DPEP2NB: variants seen among roughly 807,000 people sequenced by gnomAD.
DPEP2NB encodes DPEP2 neighbor.
For synonymous variants in DPEP2NB, 35 were observed against 55.3 expected, an observed-to-expected ratio of 0.63 and a Z score of 1.63; for missense variants, 117 against 151.8, an observed-to-expected ratio of 0.77 and a Z score of 1.21.
Position 68,015,868 on chromosome 16 carries a change from T to C in DPEP2NB, c.-98A>G, listed in dbSNP as rs1162870747. On this transcript the variant is annotated 5_prime_UTR_variant, in exon 1 of 2. Transcript: ENST00000574912. ...TGTAGTCACGCTGCCATGGAAACTT[T>C]GGAAGCTTGTGAGGTCATCACTACC... 8.7e-6 allele frequency: 5 copies of C among 574,092 alleles called. No homozygotes were observed. In the African/African-American group the frequency reaches 9.7e-5, roughly 11 times the overall value. 35.6% of individuals were successfully genotyped at this position (574,092 alleles called of 1,614,324 possible).
At position 68,014,289 on chromosome 16, in the gene DPEP2NB, T is replaced by C. The variant is rs977073775; in HGVS notation, c.191A>G (p.His64Arg). The C allele has an allele frequency of 8.1e-7, 1 of 1,231,694 alleles. No individual in the cohort carries two copies. Among genetic ancestry groups the C allele is most frequent in the South Asian group, 4.1e-5 (1 of 24,328 alleles). The allele number at this position is 1,231,694 out of a possible 1,614,324, so 76.3% of individuals were successfully genotyped here. The change falls in exon 2 of 2, where the codon CAT (histidine) becomes CGT (arginine). Residue 64 changes from histidine to arginine, a missense_variant. Transcript: ENST00000574912. ...TYCLVGGYRV[H>R]GDAPLATPTK... ...TGGGGTGGCCAAAGGAGCATCCCCA[T>C]GGACCCGGTAGCCACCAACCAGGCA...
rs1342295448 is a variant in DPEP2NB at position 68,014,385 on chromosome 16, G to A, written c.95C>T (p.Thr32Ile). 4.9e-6 allele frequency: 6 copies of A among 1,231,788 alleles called. No individual in the cohort carries two copies. In the East Asian group the frequency reaches 9.5e-5, roughly 19 times the overall value. 76.3% of individuals were successfully genotyped at this position (1,231,788 alleles called of 1,614,324 possible). ...AAAVPATSPPTPGHYHVLYRG... is the reference protein window; with the variant it reads ...AAAVPATSPPIPGHYHVLYRG... ...GTAGAGAACATGGTAGTGCCCAGGT[G>A]TGGGAGGAGAAGTGGCAGGCACTGC... is the stretch of plus-strand genomic sequence containing the variant. Residue 32 changes from threonine to isoleucine, a missense_variant, in exon 2 of 2, where the codon ACA becomes ATA. Transcript: ENST00000574912.
At position 68,014,471 on chromosome 16, in the gene DPEP2NB, C is replaced by T. The variant is rs2033154152; in HGVS notation, c.68-59G>A. The T allele has an allele frequency of 1.2e-5, 14 of 1,131,502 alleles. No homozygotes were observed. In the South Asian group the frequency reaches 4.5e-4, roughly 37 times the overall value. The allele number at this position is 1,131,502 out of a possible 1,614,324, so 70.1% of individuals were successfully genotyped here. ...TTATACATTGTGCTGTTACAGCCTA[C>T]CCTCTCTCGCGACTCTTCCTAAGAA... On this transcript the variant is annotated intron_variant, in intron 1 of 1. Transcript: ENST00000574912.
Position 68,014,178 on chromosome 16 carries a change from C to G in DPEP2NB, c.302G>C (p.Cys101Ser). 1 of 1,231,780 alleles carries G rather than the reference C, an allele frequency of 8.1e-7. No homozygotes were observed. 76.3% of individuals were successfully genotyped at this position (1,231,780 alleles called of 1,614,324 possible). A position where few individuals can be genotyped will look rare whatever the true frequency, so the allele number is the denominator to read the frequency against. The change falls in exon 2 of 2, where the codon TGC becomes TCC. Residue 101 changes from cysteine (C) to serine (S), a missense_variant. Physicochemically the swap from Cys to Ser is moderately radical, Grantham distance 112 (BLOSUM62 -1). Coordinates refer to ENST00000574912, the MANE Select transcript of DPEP2NB (RefSeq NM_001282442.2). ...ATIESDKDLG[C>S]SSPKIRRLEH... is the part of the protein sequence containing the mutation. ...CAAGCGCCGAATTTTGGGGCTAGAG[C>G]AACCCAGGTCTTTATCTGACTCTAT...
At chr16:68,015,583 C>G (rs1044690280) in intron 1 of DPEP2NB, 121 bp downstream of exon 1, 2 of 495,072 alleles carry the variant, frequency 4.0e-6, no homozygotes, top group African/African-American at 4.0e-5. Flanking sequence ...GCCACGCCCT[C>G]GATATTACTT....
Position 68,015,859 on chromosome 16 carries a change from T to C in DPEP2NB, c.-89A>G, listed in dbSNP as rs1038556409. 4 of 606,916 alleles carry C rather than the reference T, an allele frequency of 6.6e-6. No homozygotes were observed. Among genetic ancestry groups the C allele is most frequent in the African/African-American group, 1.9e-5 (1 of 52,364 alleles). 37.6% of individuals were successfully genotyped at this position (606,916 alleles called of 1,614,324 possible). On this transcript the variant is annotated 5_prime_UTR_variant, in exon 1 of 2. It removes an upstream start codon present in the reference 5' UTR. Coordinates refer to ENST00000574912, the MANE Select transcript of DPEP2NB (RefSeq NM_001282442.2). ...ACGCAGGTGTGTAGTCACGCTGCCA[T>C]GGAAACTTTGGAAGCTTGTGAGGTC...
In DPEP2NB at chr16:68,014,428, G is replaced by C. The variant is rs1047752664; in HGVS notation, c.68-16C>G. 1 of 1,230,814 alleles carries C rather than the reference G, an allele frequency of 8.1e-7. No homozygotes were observed. Among genetic ancestry groups the C allele is most frequent in the Non-Finnish European group, 1.0e-6 (1 of 987,276 alleles). The allele number at this position is 1,230,814 out of a possible 1,614,324, so 76.2% of individuals were successfully genotyped here. On this transcript the variant is annotated splice_polypyrimidine_tract_variant and intron_variant, in intron 1 of 1. Coordinates refer to ENST00000574912, the MANE Select transcript of DPEP2NB (RefSeq NM_001282442.2). The stretch of plus-strand genomic sequence containing the variant: ...GGCACTGCAGCTGGAAAGAAAACCA[G>C]AATTAGTCACTTTTACCTTATACAT...
Position 68,015,689 on chromosome 16 carries a change from C to T in DPEP2NB, c.67+15G>A. On this transcript the variant is annotated intron_variant, in intron 1 of 1. Coordinates refer to ENST00000574912, the MANE Select transcript of DPEP2NB (RefSeq NM_001282442.2). ...ACAGCAACGCCTCCTGTATAGATGC[C>T]CCCTGTATGCCTACCTGCTGCGCTG... is the stretch of plus-strand genomic sequence containing the variant. 2 of 1,226,516 alleles carry T rather than the reference C, an allele frequency of 1.6e-6. No homozygotes were observed. Among genetic ancestry groups the T allele is most frequent in the Non-Finnish European group, 2.0e-6 (2 of 983,270 alleles). The allele number at this position is 1,226,516 out of a possible 1,614,324, so 76.0% of individuals were successfully genotyped here. A position where few individuals can be genotyped will look rare whatever the true frequency, so the allele number is the denominator to read the frequency against.
intron 1 of DPEP2NB, 103 bp from the exon 2 acceptor site, chr16:68,014,515 C>T: frequency 2.8e-6 from 2 of 723,292 alleles, no homozygotes; most frequent in Non-Finnish European, 3.8e-6. Flanking sequence ...ATCTTCTTCG[C>T]ATCCCAGACA....
intron 1 of DPEP2NB, among the ~76,000 whole-genome samples, chr16:68,014,936 C>T (rs764120230): frequency 2.6e-5 from 4 of 151,644 alleles, no homozygotes; most frequent in Admixed American, 6.6e-5. Context: ...ACCTGGGAGG[C>T]GGAGGTTGCA....
Position 68,013,990 on chromosome 16 carries a change from A to C in DPEP2NB, c.*118T>G, listed in dbSNP as rs1226610314. The C allele has an allele frequency of 1.3e-6, 1 of 775,454 alleles. No individual in the cohort carries two copies. The allele number at this position is 775,454 out of a possible 1,614,324, so 48.0% of individuals were successfully genotyped here. Reference sequence around the variant, plus strand: ...TAGCATGGAAGGGGGCTTCTGGATGAGGAAGGCATAGGCAGAATGACTCAG... The same window carrying C: ...TAGCATGGAAGGGGGCTTCTGGATGCGGAAGGCATAGGCAGAATGACTCAG... On this transcript the variant is annotated 3_prime_UTR_variant, in exon 2 of 2. Transcript: ENST00000574912.
At chr16:68,015,164 G>A (rs1016878941) in intron 1 of DPEP2NB, among the ~76,000 whole-genome samples, 3 of 151,862 alleles carry the variant, frequency 2.0e-5, no homozygotes, top group Non-Finnish European at 4.4e-5. Context: ...GGCTGAGGTG[G>A]GCCGATCGCT....
In DPEP2NB at chr16:68,015,900, A is replaced by T; in HGVS notation, c.-130T>A. ...TTGTGAGGTCATCACTACCCTGTGA[A>T]GTCACCTAAGGAATCTGTGACTTAA... On this transcript the variant is annotated 5_prime_UTR_variant, in exon 1 of 2. Transcript: ENST00000574912. The T allele has an allele frequency of 2.4e-6, 1 of 416,098 alleles. No individual in the cohort carries two copies. Among genetic ancestry groups the T allele is most frequent in the Non-Finnish European group, 4.1e-6 (1 of 244,140 alleles). The allele number at this position is 416,098 out of a possible 1,614,324, so 25.8% of individuals were successfully genotyped here.
Position 68,014,076 on chromosome 16 carries a change from C to T in DPEP2NB, c.*32G>A, listed in dbSNP as rs1205331646. 2.4e-6 allele frequency: 3 copies of T among 1,231,016 alleles called. No homozygotes were observed. The highest frequency in any genetic ancestry group is 6.3e-5 in the East Asian group (2 of 31,720). The allele number at this position is 1,231,016 out of a possible 1,614,324, so 76.3% of individuals were successfully genotyped here. A position where few individuals can be genotyped will look rare whatever the true frequency, so the allele number is the denominator to read the frequency against. On this transcript the variant is annotated 3_prime_UTR_variant, in exon 2 of 2. Coordinates refer to ENST00000574912, the MANE Select transcript of DPEP2NB (RefSeq NM_001282442.2). ...CAGAAGAGGCATTAGCTGTCTTAGA[C>T]AGCTAAACATTTGTCCTTTCTCCCA...
Position 68,014,327 on chromosome 16 carries a change from A to G in DPEP2NB, c.153T>C (p.His51=). The stretch of plus-strand genomic sequence containing the variant: ...CACCAACCAGGCAGTACGTCTCCCC[A>G]TGCCAGCCTACCTGAGTTTCTCCAC... The part of the protein sequence containing the change: ...RGCGETQVGW[H]GETYCLVGGY... Residue 51 remains histidine, a synonymous_variant, in exon 2 of 2, where the codon CAT becomes CAC. Transcript: ENST00000574912. 8.1e-7 allele frequency: 1 copy of G among 1,231,804 alleles called. No individual in the cohort carries two copies. The highest frequency in any genetic ancestry group is 3.1e-4 in the Middle Eastern group (1 of 3,210). The allele number at this position is 1,231,804 out of a possible 1,614,324, so 76.3% of individuals were successfully genotyped here.
Position 68,015,455 on chromosome 16 carries a change from TA to T in DPEP2NB, c.67+248del, listed in dbSNP as rs1220965509. On this transcript the variant is annotated intron_variant, in intron 1 of 1. Coordinates refer to ENST00000574912, the MANE Select transcript of DPEP2NB (RefSeq NM_001282442.2). ...CAACATAGCAAGACCCCATCTCAATTAAAAAAAAAAAAAAAAAAAAAAGATG... is the reference window on the plus strand; with the variant it reads ...CAACATAGCAAGACCCCATCTCAATTAAAAAAAAAAAAAAAAAAAAAGATG... Among the ~76,000 whole-genome samples, 446 of 80,498 alleles carry T rather than the reference TA, an allele frequency of 5.5e-3. 1 individual carries two copies. Among genetic ancestry groups the T allele is most frequent in the African/African-American group, 0.012 (243 of 19,718 alleles). The allele number at this position is 80,498 out of a possible 152,430, so 52.8% of individuals were successfully genotyped here. A position where few individuals can be genotyped will look rare whatever the true frequency, so the allele number is the denominator to read the frequency against.
rs949097942 is a variant in DPEP2NB, at chr16:68,014,214, C to T, written c.266G>A (p.Arg89His). Residue 89 changes from arginine (R) to histidine (H), a missense_variant, in exon 2 of 2, where the codon CGT becomes CAT. Transcript: ENST00000574912. ...KPAPRRAPKR[R>H]QATIESDKDL... ...TTTATCTGACTCTATCGTAGCTTGA[C>T]GTCTCTTGGGAGCACGCCTGGGGGC... is the stretch of plus-strand genomic sequence containing the variant. The T allele has an allele frequency of 3.7e-5, 45 of 1,231,622 alleles. No individual in the cohort carries two copies. Among genetic ancestry groups the T allele is most frequent in the Admixed American group, 8.4e-5 (2 of 23,680 alleles). 76.3% of individuals were successfully genotyped at this position (1,231,622 alleles called of 1,614,324 possible). A position where few individuals can be genotyped will look rare whatever the true frequency, so the allele number is the denominator to read the frequency against.
intron 1 of DPEP2NB, 125 bp downstream of exon 1, chr16:68,015,579 C>T: frequency 4.3e-6 from 2 of 469,898 alleles, no homozygotes; most frequent in Non-Finnish European, 6.8e-6. Flanking sequence ...AGTGGCCACG[C>T]CCTCGATATT....
intron 1 of DPEP2NB, 148 bp downstream of exon 1, chr16:68,015,556 C>T (rs1488068777): frequency 2.5e-6 from 1 of 397,486 alleles, no homozygotes. Flanking sequence ...AGCAGGAACA[C>T]TGTGGGTCCC....
Sources: allele counts gnomAD v4.1 joint callset (sites outside exome capture counted in the v4.1 genomes callset), GRCh38; gene constraint gnomAD v4.1.1; transcripts MANE v1.5; gene names NCBI Gene and HGNC (gene_info 2026-07-23, HGNC 2026-07-21).